Variants in MBIP observed in about 807,000 individuals in gnomAD.
MBIP encodes MAP3K12-binding inhibitory protein 1.
MBIP carries 32 observed loss-of-function variants against 45.7 expected under a neutral mutation model. That is an observed-to-expected ratio of 0.70 (90% CI 0.53 to 0.94). The LOEUF (loss-of-function observed/expected upper bound fraction) is 0.94, where lower values mean the gene tolerates loss of function less well. Ranked by LOEUF, MBIP falls within the 40% of genes least tolerant of loss-of-function variation. MBIP has a pLI of 0.00. For missense variants in MBIP, 381 were observed against 405.5 expected (o/e 0.94, Z 0.52); for synonymous variants, 145 against 141.0 (o/e 1.03, Z -0.20).
rs144213429 is a variant in MBIP, at chr14:36,311,451, G to A, written c.790+122C>T. ...GACATACACATAACACTTCCTGAGT[G>A]ACTGGCACTTACTGTTCAAGAAATG... On this transcript the variant is annotated intron_variant, in intron 6 of 8. Transcript: ENST00000416007. 4 of 828,702 alleles carry A rather than the reference G, an allele frequency of 4.8e-6. No individual in the cohort carries two copies. In the African/African-American group the frequency reaches 5.2e-5, roughly 11 times the overall value. 51.3% of individuals were successfully genotyped at this position (828,702 alleles called of 1,614,324 possible).
chr14:36,310,623 T>C (rs184621322), intron 6 of MBIP, among the ~76,000 whole-genome samples: 1 of 152,312 alleles, frequency 6.6e-6, no homozygotes, highest in African/African-American at 2.4e-5. Context: ...ACGGACTATC[T>C]AGCAGGAGAC....
chr14:36,309,913 G>A (rs978608434), intron 6 of MBIP, among the ~76,000 whole-genome samples: 4 of 152,054 alleles, frequency 2.6e-5, no homozygotes, highest in African/African-American at 9.7e-5. Context: ...TGGGATTATA[G>A]GCACACACCA....
Position 36,308,127 on chromosome 14 carries a change from A to G in MBIP, c.853T>C (p.Leu285=). The change falls in exon 7 of 9, where the codon TTG becomes CTG. Residue 285 remains leucine, a synonymous_variant. Coordinates refer to ENST00000416007, the MANE Select transcript of MBIP (RefSeq NM_016586.3). ...IKKLEDKILE[L]EGISPEYFQS... The stretch of plus-strand genomic sequence containing the variant: ...AAATATTCAGGAGAGATGCCTTCCA[A>G]TTCAAGGATTTTATCCTCAAGTTTT... The G allele has an allele frequency of 6.2e-7, 1 of 1,604,220 alleles. No homozygotes were observed. The highest frequency in any genetic ancestry group is 8.5e-7 in the Non-Finnish European group (1 of 1,172,790).
intron 7 of MBIP, among the ~76,000 whole-genome samples, chr14:36,301,207 A>C (rs1190338585): frequency 6.6e-6 from 1 of 152,176 alleles, no homozygotes; most frequent in Admixed American, 6.5e-5. Flanking sequence ...CAACAGACAA[A>C]GGAAAAACGG....
In MBIP at chr14:36,320,597, C is replaced by G. The variant is rs1272552277; in HGVS notation, c.-9G>C. On this transcript the variant is annotated 5_prime_UTR_variant, in exon 1 of 9. Coordinates refer to ENST00000416007, the MANE Select transcript of MBIP (RefSeq NM_016586.3). ...TCCGTGGCAGCAGCCATGATATCTT[C>G]TCAGGCCGCCCCACCACCACCACCA... is the stretch of plus-strand genomic sequence containing the variant. The G allele has an allele frequency of 6.3e-7, 1 of 1,595,646 alleles. No homozygotes were observed. Among genetic ancestry groups the G allele is most frequent in the Non-Finnish European group, 8.5e-7 (1 of 1,169,822 alleles).
rs971855516 is a variant in MBIP, at chr14:36,314,762, A to G, written c.403T>C (p.Leu135=). Residue 135 remains leucine (L), a synonymous_variant, in exon 3 of 9, where the codon TTA becomes CTA. Coordinates refer to ENST00000416007, the MANE Select transcript of MBIP (RefSeq NM_016586.3). ...ATCTGTGTCTTTTTCACATCTCTTA[A>G]ATCACTTTCTTTGTGCTTTTCTTCC... is the stretch of plus-strand genomic sequence containing the variant. ...QEEEKHKESD[L]RDVKKTQIHF... The G allele has an allele frequency of 6.2e-7, 1 of 1,613,572 alleles. No individual in the cohort carries two copies. Among genetic ancestry groups the G allele is most frequent in the Non-Finnish European group, 8.5e-7 (1 of 1,179,742 alleles).
At chr14:36,316,134 A>G (rs966425356) in intron 2 of MBIP, among the ~76,000 whole-genome samples, 1 of 152,222 alleles carries the variant, frequency 6.6e-6, no homozygotes, top group Non-Finnish European at 1.5e-5. Flanking sequence ...AACTTCTAAT[A>G]TAAAGAATGA....
intron 6 of MBIP, among the ~76,000 whole-genome samples, chr14:36,309,044 C>T (rs1431675073): frequency 6.6e-6 from 1 of 152,190 alleles, no homozygotes; most frequent in Non-Finnish European, 1.5e-5. Flanking sequence ...TGTGGATATT[C>T]TCCCTATGCC....
chr14:36,311,007 C>T (rs1306387039), intron 6 of MBIP, among the ~76,000 whole-genome samples: 1 of 152,174 alleles, frequency 6.6e-6, no homozygotes, highest in Non-Finnish European at 1.5e-5. Flanking sequence ...ATCCTTCCAT[C>T]AGTCCAAGCC....
chr14:36,319,820 C>T (rs1403842362), intron 1 of MBIP: 3 of 182,080 alleles, frequency 1.6e-5, no homozygotes, highest in Non-Finnish European at 3.5e-5. Flanking sequence ...TTTACTATGA[C>T]ATTTCTGCAA....
chr14:36,300,783 A>G lies in MBIP; in HGVS notation c.927+2T>C, dbSNP rs1354856908. ...AACCAAAATGAAAATGCAGTAACTT[A>G]CTTGAGGTGGTTGAACTTTTCTTCT... On this transcript the variant is annotated splice_donor_variant, in intron 8 of 8. Coordinates refer to ENST00000416007, the MANE Select transcript of MBIP (RefSeq NM_016586.3). LOFTEE classifies it high-confidence loss of function. 1.9e-6 allele frequency: 3 copies of G among 1,553,176 alleles called. No individual in the cohort carries two copies. The highest frequency in any genetic ancestry group is 2.6e-6 in the Non-Finnish European group (3 of 1,142,648).
chr14:36,301,794 C>T (rs1879572111), intron 7 of MBIP, among the ~76,000 whole-genome samples: 1 of 152,180 alleles, frequency 6.6e-6, no homozygotes, highest in Non-Finnish European at 1.5e-5. Context: ...TCTTTCTAGA[C>T]TTTTTCTTAG....
At chr14:36,320,343 G>C (rs763672712) in intron 1 of MBIP, 117 bp downstream of exon 1, 39 of 1,457,108 alleles carry the variant, frequency 2.7e-5, no homozygotes, top group Non-Finnish European at 3.6e-5. Context: ...CCTCGGCTTC[G>C]GGACCGCATC....
In MBIP at chr14:36,320,584, G is replaced by C. The variant is rs377209200; in HGVS notation, c.5C>G (p.Ala2Gly). The C allele has an allele frequency of 1.2e-6, 2 of 1,607,716 alleles. No individual in the cohort carries two copies. The highest frequency in any genetic ancestry group is 1.1e-5 in the South Asian group (1 of 90,542). The change falls in exon 1 of 9, where the codon GCT (alanine) becomes GGT (glycine). Residue 2 changes from alanine to glycine, a missense_variant. By Grantham distance (60) the Ala-to-Gly change is moderately conservative. Transcript: ENST00000416007. ...CGGGCGATTAAGCTCCGTGGCAGCA[G>C]CCATGATATCTTCTCAGGCCGCCCC... is the stretch of plus-strand genomic sequence containing the variant. M[A>G]AATELNRPSS...
At chr14:36,320,345 G>T (rs1052839288) in intron 1 of MBIP, 115 bp downstream of exon 1, 1 of 1,472,778 alleles carries the variant, frequency 6.8e-7, no homozygotes, top group Non-Finnish European at 9.3e-7. Context: ...TCGGCTTCGG[G>T]ACCGCATCCC....
chr14:36,301,727 G>A (rs11850315), intron 7 of MBIP, among the ~76,000 whole-genome samples: 7,715 of 152,262 alleles, frequency 0.051, 624 homozygotes, highest in African/African-American at 0.17. Context: ...CTTAGTTGAA[G>A]CTAACAACAT....
At chr14:36,312,285 T>C (rs769244117) in intron 4 of MBIP, among the ~76,000 whole-genome samples, 2 of 152,092 alleles carry the variant, frequency 1.3e-5, no homozygotes, top group African/African-American at 4.8e-5. Flanking sequence ...TGGCACAAAT[T>C]GATACAATTT....
intron 1 of MBIP, chr14:36,319,530 C>T (rs917913740): frequency 7.0e-6 from 3 of 428,934 alleles, no homozygotes; most frequent in East Asian, 7.3e-5. Flanking sequence ...CTACTCAAGG[C>T]TTTAAAAATA....
chr14:36,301,257 A>G (rs556360770), intron 7 of MBIP, among the ~76,000 whole-genome samples: 102 of 152,286 alleles, frequency 6.7e-4, no homozygotes, highest in African/African-American at 2.3e-3. Context: ...ACACACATAC[A>G]CACACCCTGG....
Sources: gnomAD v4.1 joint callset for allele counts (sites outside exome capture counted in the v4.1 genomes callset) on GRCh38, gnomAD v4.1.1 for gene constraint, MANE v1.5 for transcripts, NCBI Gene and HGNC (gene_info 2026-07-23, HGNC 2026-07-21) for gene names.